L3MBTL4: variants seen among roughly 807,000 people sequenced by gnomAD.
L3MBTL4 encodes lethal(3)malignant brain tumor-like protein 4.
In L3MBTL4, 70 loss-of-function variants were observed where a neutral mutation model predicts 84.5. That is an observed-to-expected ratio of 0.83 (90% CI 0.68 to 1.01). The LOEUF (loss-of-function observed/expected upper bound fraction) is 1.01, where lower values mean the gene tolerates loss of function less well. Among genes scored for constraint, L3MBTL4 ranks in the 50% least tolerant of loss-of-function variants. The probability of loss-of-function intolerance (pLI) is 0.00; values close to 1 mark genes in which losing one functional copy is unlikely to be tolerated. For missense variants in L3MBTL4, 715 were observed against 754.8 expected (o/e 0.95, Z 0.62); for synonymous variants, 274 against 259.8 (o/e 1.05, Z -0.52).
intron 1 of L3MBTL4, among the ~76,000 whole-genome samples, chr18:6,335,693 T>C (rs898114744): frequency 6.6e-6 from 1 of 152,128 alleles, no homozygotes; most frequent in Non-Finnish European, 1.5e-5. Flanking sequence ...GTTTCTGCCA[T>C]GCTGTTCTGA....
At position 6,237,963 on chromosome 18, in the gene L3MBTL4, C is replaced by A. The variant is rs746289841; in HGVS notation, c.784+1G>T. The A allele has an allele frequency of 5.0e-6, 8 of 1,613,656 alleles. No homozygotes were observed. Among genetic ancestry groups the A allele is most frequent in the Non-Finnish European group, 5.9e-6 (7 of 1,179,656 alleles). On this transcript the variant is annotated splice_donor_variant, in intron 10 of 18. Transcript: ENST00000317931. LOFTEE classifies it high-confidence loss of function. ...AAAGAAAACCCAGGCAGTCCACTCA[C>A]CTTGGGGTGCTATCAGAGTTCTTCC...
chr18:6,320,595 G>A (rs147863937), intron 1 of L3MBTL4, among the ~76,000 whole-genome samples: 3,958 of 152,102 alleles, frequency 0.026, 125 homozygotes, highest in African/African-American at 0.08. Flanking sequence ...AGAAATCACA[G>A]ATGACACAAA....
At chr18:6,289,437 G>A (rs539890315) in intron 4 of L3MBTL4, among the ~76,000 whole-genome samples, 21 of 152,196 alleles carry the variant, frequency 1.4e-4, no homozygotes, top group Non-Finnish European at 2.1e-4. Flanking sequence ...TCTAAACTGC[G>A]CAATTCCTAT....
intron 12 of L3MBTL4, among the ~76,000 whole-genome samples, chr18:6,179,395 T>G (rs946770697): frequency 2.0e-5 from 3 of 152,210 alleles, no homozygotes; most frequent in African/African-American, 7.2e-5. Flanking sequence ...TTTTAATATG[T>G]TTTCCTGATA....
At chr18:6,252,508 A>G (rs954445995) in intron 5 of L3MBTL4, among the ~76,000 whole-genome samples, 1 of 152,206 alleles carries the variant, frequency 6.6e-6, no homozygotes, top group African/African-American at 2.4e-5. Flanking sequence ...TTTACATCAA[A>G]TTATTTTGAG....
chr18:6,113,489 TAAA>T (rs2059262316), intron 14 of L3MBTL4, among the ~76,000 whole-genome samples: 1 of 91,306 alleles, frequency 1.1e-5, no homozygotes, highest in Non-Finnish European at 2.5e-5. Flanking sequence ...AAAAAGCAAA[TAAA>T]AAACAAAAAG....
At chr18:6,169,392 C>T (rs530637815) in intron 13 of L3MBTL4, among the ~76,000 whole-genome samples, 105 of 152,108 alleles carry the variant, frequency 6.9e-4, no homozygotes, top group South Asian at 1.2e-3. Flanking sequence ...ATGTTTATTG[C>T]GGCACTATTC....
intron 1 of L3MBTL4, chr18:6,367,290 C>T (rs2053975910): frequency 6.6e-6 from 1 of 152,254 alleles, no homozygotes; most frequent in African/African-American, 2.4e-5. Context: ...AGAAGACAGC[C>T]TCACAGACAC....
At chr18:6,272,015 A>C (rs556987554) in intron 4 of L3MBTL4, among the ~76,000 whole-genome samples, 1 of 152,214 alleles carries the variant, frequency 6.6e-6, no homozygotes, top group African/African-American at 2.4e-5. Flanking sequence ...TGGGAGGCAG[A>C]TGACATAAGC....
chr18:6,220,475 C>T (rs2046504667), intron 10 of L3MBTL4, among the ~76,000 whole-genome samples: 1 of 152,158 alleles, frequency 6.6e-6, no homozygotes. Flanking sequence ...ACTCAACTGT[C>T]ACCTTCTCGC....
At chr18:6,035,138 A>G (rs1385948570) in intron 16 of L3MBTL4, among the ~76,000 whole-genome samples, 2 of 150,090 alleles carry the variant, frequency 1.3e-5, no homozygotes, top group Non-Finnish European at 3.0e-5. Context: ...GCTGTGCAGA[A>G]GCTCTTTAGT....
chr18:6,230,555 G>A (rs2046956990), intron 10 of L3MBTL4, among the ~76,000 whole-genome samples: 1 of 152,118 alleles, frequency 6.6e-6, no homozygotes, highest in Non-Finnish European at 1.5e-5. Context: ...ACATGCATGT[G>A]TCTTTATGGA....
chr18:6,400,281 T>C (rs1395771827), intron 1 of L3MBTL4, among the ~76,000 whole-genome samples: 1 of 152,238 alleles, frequency 6.6e-6, no homozygotes, highest in Non-Finnish European at 1.5e-5. Context: ...AATTAGTTGA[T>C]AAACCATTGA....
intron 1 of L3MBTL4, among the ~76,000 whole-genome samples, chr18:6,321,061 G>A (rs59805991): frequency 7.3e-4 from 111 of 152,120 alleles, no homozygotes; most frequent in African/African-American, 2.5e-3. Context: ...CCTCTCTCTC[G>A]CCTTACACAA....
chr18:6,030,749 C>T (rs1029197995), intron 16 of L3MBTL4: 5 of 978,006 alleles, frequency 5.1e-6, no homozygotes, highest in South Asian at 4.7e-5. Context: ...CTCCCTATTT[C>T]GTTAATTTTC....
chr18:5,961,181 G>A (rs1041373013), intron 17 of L3MBTL4, among the ~76,000 whole-genome samples: 3 of 152,184 alleles, frequency 2.0e-5, no homozygotes, highest in Admixed American at 1.3e-4. Flanking sequence ...CTGGTTTCAC[G>A]GGAAAGGTTC....
At chr18:6,251,243 T>C (rs963032029) in intron 5 of L3MBTL4, among the ~76,000 whole-genome samples, 5 of 152,180 alleles carry the variant, frequency 3.3e-5, no homozygotes, top group Non-Finnish European at 5.9e-5. Flanking sequence ...CTGCCTTTGA[T>C]GAAGCAAAAG....
chr18:6,133,299 T>A (rs145559379), intron 14 of L3MBTL4, among the ~76,000 whole-genome samples: 87 of 151,334 alleles, frequency 5.7e-4, no homozygotes, highest in African/African-American at 1.8e-3. Context: ...GGCAGGGGAC[T>A]AACGAGTACC....
intron 10 of L3MBTL4, among the ~76,000 whole-genome samples, chr18:6,226,972 T>C (rs903098404): frequency 1.3e-5 from 2 of 151,906 alleles, no homozygotes; most frequent in Non-Finnish European, 2.9e-5. Flanking sequence ...GGTTAAAAAG[T>C]ATGGAAAAAG....
Sources: allele counts gnomAD v4.1 joint callset (sites outside exome capture counted in the v4.1 genomes callset), GRCh38; gene constraint gnomAD v4.1.1; transcripts MANE v1.5; gene names NCBI Gene and HGNC (gene_info 2026-07-23, HGNC 2026-07-21).